Variants in B3GLCT observed in about 807,000 individuals in gnomAD.
B3GLCT encodes the protein beta 3-glucosyltransferase, also known as beta-1,3-glucosyltransferase.
B3GLCT carries 65 observed loss-of-function variants against 63.4 expected under a neutral mutation model. The observed-to-expected ratio is 1.03, with a 90% CI of 0.84 to 1.26. B3GLCT has a LOEUF of 1.26. Among genes scored for constraint, B3GLCT ranks in the 50% most tolerant of loss-of-function variants. The pLI, the probability that B3GLCT is intolerant of heterozygous loss-of-function variation, is 0.00. For synonymous variants in B3GLCT, 233 were observed against 219.2 expected, an observed-to-expected ratio of 1.06 and a Z score of -0.55; for missense variants, 577 against 604.8, an observed-to-expected ratio of 0.95 and a Z score of 0.48.
intron 9 of B3GLCT, among the ~76,000 whole-genome samples, chr13:31,275,451 G>A (rs1872738349): frequency 6.6e-6 from 1 of 152,148 alleles, no homozygotes; most frequent in South Asian, 2.1e-4. Context: ...AGGATGCATT[G>A]ATTAGAATTT....
At chr13:31,225,758 T>C (rs1005825334) in intron 3 of B3GLCT, among the ~76,000 whole-genome samples, 10 of 152,116 alleles carry the variant, frequency 6.6e-5, no homozygotes, top group Admixed American at 2.0e-4. Context: ...TTCCCACCCC[T>C]TTTTTCCCCC....
Position 31,331,244 on chromosome 13 carries a change from G to GTAC in B3GLCT, c.*1578_*1580dup, listed in dbSNP as rs1241471884. On this transcript the variant is annotated 3_prime_UTR_variant, in exon 15 of 15. Transcript: ENST00000343307. ...AGTCACCTTCATGTCATCTATAATA[G>GTAC]TACTCCTGGAGAGCCCTGGCTGCCT... 3 of 152,192 alleles carry GTAC rather than the reference G, an allele frequency of 2.0e-5. No homozygotes were observed. The highest frequency in any genetic ancestry group is 7.2e-5 in the African/African-American group (3 of 41,410). 9.4% of individuals were successfully genotyped at this position (152,192 alleles called of 1,614,324 possible).
intron 14 of B3GLCT, among the ~76,000 whole-genome samples, chr13:31,328,978 G>T (rs183723347): frequency 2.6e-5 from 4 of 152,198 alleles, no homozygotes; most frequent in African/African-American, 7.2e-5. Flanking sequence ...TGGTCAGGAA[G>T]AGAGCATGAG....
intron 1 of B3GLCT, among the ~76,000 whole-genome samples, chr13:31,202,920 T>C (rs1868757131): frequency 6.6e-6 from 1 of 152,214 alleles, no homozygotes; most frequent in South Asian, 2.1e-4. Context: ...AGCTCTGCAT[T>C]TCCTGTTTGC....
chr13:31,324,433 G>A (rs551503070), intron 14 of B3GLCT, among the ~76,000 whole-genome samples: 13 of 152,170 alleles, frequency 8.5e-5, no homozygotes, highest in Non-Finnish European at 1.0e-4. Flanking sequence ...GAAGAGATGA[G>A]CTTATGTTTA....
At chr13:31,214,026 T>C (rs1250524827) in intron 1 of B3GLCT, among the ~76,000 whole-genome samples, 1 of 152,140 alleles carries the variant, frequency 6.6e-6, no homozygotes, top group Non-Finnish European at 1.5e-5. Context: ...GCAATGGATG[T>C]CTGGGGGTGG....
chr13:31,203,799 C>T (rs1183576282), intron 1 of B3GLCT, among the ~76,000 whole-genome samples: 1 of 152,180 alleles, frequency 6.6e-6, no homozygotes, highest in East Asian at 1.9e-4. Context: ...GTTCATCAGA[C>T]CTATTGAGGA....
At chr13:31,201,593 A>T (rs188857868) in intron 1 of B3GLCT, among the ~76,000 whole-genome samples, 25 of 152,168 alleles carry the variant, frequency 1.6e-4, no homozygotes, top group African/African-American at 5.3e-4. Flanking sequence ...TGTTGCCTGG[A>T]TGTTTTGCAA....
intron 6 of B3GLCT, among the ~76,000 whole-genome samples, chr13:31,257,155 T>TA (rs1566066237): frequency 6.6e-6 from 1 of 152,188 alleles, no homozygotes; most frequent in Non-Finnish European, 1.5e-5. Context: ...AATTAAGAGA[T>TA]AAAACATAAC....
intron 1 of B3GLCT, among the ~76,000 whole-genome samples, chr13:31,200,529 T>C (rs1373410262): frequency 8.0e-5 from 12 of 150,102 alleles, no homozygotes; most frequent in Non-Finnish European, 1.6e-4. Flanking sequence ...GAAGAAACTT[T>C]GCAACAGCGC....
intron 12 of B3GLCT, among the ~76,000 whole-genome samples, chr13:31,309,582 C>T (rs1460723700): frequency 1.3e-5 from 2 of 152,220 alleles, no homozygotes; most frequent in African/African-American, 2.4e-5. Context: ...CTCAGGGAAA[C>T]ACTTAGGTTT....
chr13:31,286,050 A>G (rs1158707636), intron 11 of B3GLCT, among the ~76,000 whole-genome samples: 2 of 152,212 alleles, frequency 1.3e-5, no homozygotes, highest in Non-Finnish European at 2.9e-5. Flanking sequence ...TGTGTCACCA[A>G]ATAATTAAAA....
chr13:31,318,470 C>T (rs1875167245), intron 13 of B3GLCT, among the ~76,000 whole-genome samples: 1 of 152,200 alleles, frequency 6.6e-6, no homozygotes, highest in Non-Finnish European at 1.5e-5. Context: ...AGTCGTACTA[C>T]AGGCATCCTG....
chr13:31,240,463 T>G (rs4943251), intron 4 of B3GLCT, among the ~76,000 whole-genome samples: 51,870 of 131,542 alleles, frequency 0.39, 10,045 homozygotes, highest in East Asian at 0.55. Context: ...CCCTTGCCTC[T>G]TTAGTTTTTT....
In B3GLCT at chr13:31,326,851, T is replaced by C. The variant is rs568373586; in HGVS notation, c.1330-2650T>C. 2.2e-4 allele frequency among the ~76,000 whole-genome samples: 33 copies of C among 152,346 alleles called. 1 individual carries two copies. In the Middle Eastern group the frequency reaches 0.01, roughly 47 times the overall value. ...CAAAAATGACCAGTAAATTGTAATG[T>C]TTAATAAGCCAGCTCTTTTAATGCA... On this transcript the variant is annotated intron_variant, in intron 14 of 14. Coordinates refer to ENST00000343307, the MANE Select transcript of B3GLCT (RefSeq NM_194318.4).
Position 31,332,203 on chromosome 13 carries a change from T to G in B3GLCT, c.*2535T>G, listed in dbSNP as rs1875962625. On this transcript the variant is annotated 3_prime_UTR_variant, in exon 15 of 15. Transcript: ENST00000343307. ...ATGTAATTGACATCTTCAAGAATGT[T>G]TCTATTGTCTTCCATTCATAATCAG... 1 of 152,196 alleles carries G rather than the reference T, an allele frequency of 6.6e-6. No homozygotes were observed. Among genetic ancestry groups the G allele is most frequent in the African/African-American group, 2.4e-5 (1 of 41,466 alleles). The allele number at this position is 152,196 out of a possible 1,614,324, so 9.4% of individuals were successfully genotyped here. A position where few individuals can be genotyped will look rare whatever the true frequency, so the allele number is the denominator to read the frequency against.
At chr13:31,292,460 G>T (rs911489194) in intron 12 of B3GLCT, among the ~76,000 whole-genome samples, 2 of 152,096 alleles carry the variant, frequency 1.3e-5, no homozygotes, top group African/African-American at 2.4e-5. Flanking sequence ...TTGGTTGGTA[G>T]GCTATTAATT....
At chr13:31,319,417 CA>C (rs1371429930) in intron 13 of B3GLCT, among the ~76,000 whole-genome samples, 1 of 75,914 alleles carries the variant, frequency 1.3e-5, no homozygotes, top group East Asian at 4.9e-4. Context: ...TAAACTACCT[CA>C]CCAAGGTTTC....
At chr13:31,325,858 G>A (rs1265808516) in intron 14 of B3GLCT, among the ~76,000 whole-genome samples, 1 of 152,204 alleles carries the variant, frequency 6.6e-6, no homozygotes, top group Non-Finnish European at 1.5e-5. Flanking sequence ...GTGGGCATTT[G>A]GAAGCAGTCT....
Sources: gnomAD v4.1 joint callset for allele counts (sites outside exome capture counted in the v4.1 genomes callset) on GRCh38, gnomAD v4.1.1 for gene constraint, MANE v1.5 for transcripts, NCBI Gene and HGNC (gene_info 2026-07-23, HGNC 2026-07-21) for gene names.